The following ARHGAP18 variants were observed in gnomAD, a reference collection of about 807,000 sequenced individuals.
ARHGAP18 encodes Rho GTPase activating protein 18.
Under a neutral mutation model 86.2 loss-of-function variants are expected in ARHGAP18, and 67 were observed. That is an observed-to-expected ratio of 0.78 (90% CI 0.64 to 0.95). The LOEUF (loss-of-function observed/expected upper bound fraction) is 0.95. Among genes scored for constraint, ARHGAP18 ranks in the 40% least tolerant of loss-of-function variants. The pLI is 0.00. For synonymous variants in ARHGAP18, 283 were observed against 280.4 expected (o/e 1.01, Z -0.09); for missense variants, 691 against 780.4 (o/e 0.89, Z 1.37).
At chr6:129,678,375 C>T (rs976529978) in intron 1 of ARHGAP18, among the ~76,000 whole-genome samples, 2 of 152,190 alleles carry the variant, frequency 1.3e-5, no homozygotes, top group Admixed American at 1.3e-4. Context: ...AAAAGCTGTA[C>T]AGGCAAAAAT....
At chr6:129,679,073 A>G (rs1277496632) in intron 1 of ARHGAP18, among the ~76,000 whole-genome samples, 2 of 152,176 alleles carry the variant, frequency 1.3e-5, no homozygotes, top group Non-Finnish European at 2.9e-5. Context: ...CTGAATATCA[A>G]TTGTCTCTAT....
intron 3 of ARHGAP18, among the ~76,000 whole-genome samples, chr6:129,636,461 C>T (rs575116484): frequency 2.6e-5 from 4 of 152,276 alleles, no homozygotes; most frequent in Middle Eastern, 6.8e-3. Flanking sequence ...ATCTCATATT[C>T]AGGATGCTTA....
rs535964199 is a variant in ARHGAP18 at position 129,577,456 on chromosome 6, C to T, written c.*1057G>A. The T allele has an allele frequency of 2.0e-5, 3 of 152,182 alleles. No homozygotes were observed. In the South Asian group the frequency reaches 6.2e-4, roughly 32 times the overall value. The allele number at this position is 152,182 out of a possible 1,614,324, so 9.4% of individuals were successfully genotyped here. A position where few individuals can be genotyped will look rare whatever the true frequency, so the allele number is the denominator to read the frequency against. Reference sequence around the variant, plus strand: ...ATCTCTTGTCACAATATGGTTTGTGCATTAAAATCCCTGGGAATAGTACTT... The same window carrying T: ...ATCTCTTGTCACAATATGGTTTGTGTATTAAAATCCCTGGGAATAGTACTT... On this transcript the variant is annotated 3_prime_UTR_variant, in exon 15 of 15. Transcript: ENST00000368149.
At chr6:129,682,612 C>T (rs1774343552) in intron 1 of ARHGAP18, among the ~76,000 whole-genome samples, 1 of 152,154 alleles carries the variant, frequency 6.6e-6, no homozygotes, top group South Asian at 2.1e-4. Flanking sequence ...AACTAAAACC[C>T]TAGAGACACA....
intron 1 of ARHGAP18, among the ~76,000 whole-genome samples, chr6:129,677,756 C>T (rs1774261429): frequency 6.6e-6 from 1 of 152,180 alleles, no homozygotes; most frequent in South Asian, 2.1e-4. Context: ...CTCTTTCCCA[C>T]ACATCCCCAA....
intron 9 of ARHGAP18, 113 bp downstream of exon 9, chr6:129,607,780 A>G (rs1026362989): frequency 2.5e-6 from 3 of 1,197,672 alleles, no homozygotes; most frequent in South Asian, 2.1e-5. Context: ...AGTTGAGTCA[A>G]TATGTCCACC....
intron 1 of ARHGAP18, among the ~76,000 whole-genome samples, chr6:129,664,276 A>C (rs892955729): frequency 6.6e-6 from 1 of 152,230 alleles, no homozygotes; most frequent in Non-Finnish European, 1.5e-5. Flanking sequence ...GACTGAACTG[A>C]TGACCAGGTA....
intron 7 of ARHGAP18, among the ~76,000 whole-genome samples, chr6:129,614,069 T>TC (rs1037803043): frequency 6.6e-6 from 1 of 152,220 alleles, no homozygotes; most frequent in African/African-American, 2.4e-5. Context: ...TATTTCTATT[T>TC]CCCTCATCCT....
At chr6:129,675,383 C>CAAAA (rs71664105) in intron 1 of ARHGAP18, among the ~76,000 whole-genome samples, 1 of 90,634 alleles carries the variant, frequency 1.1e-5, no homozygotes, top group African/African-American at 3.7e-5. Context: ...GACTCCATCT[C>CAAAA]AAAAAAAAAA....
intron 1 of ARHGAP18, among the ~76,000 whole-genome samples, chr6:129,704,538 A>C (rs1028050706): frequency 6.6e-6 from 1 of 152,160 alleles, no homozygotes; most frequent in Non-Finnish European, 1.5e-5. Flanking sequence ...CTCCCTATCT[A>C]AATTAATGAT....
rs530809452 is a variant in ARHGAP18, at chr6:129,702,094, T to TA, written c.113+7929dup. On this transcript the variant is annotated intron_variant, in intron 1 of 14. Transcript: ENST00000368149. Reference sequence around the variant, plus strand: ...GTGTTCTTTGCAGCCAAAAGGCAACTACCAAATGCATATGAAAAGGAGATG... The same window carrying TA: ...GTGTTCTTTGCAGCCAAAAGGCAACTAACCAAATGCATATGAAAAGGAGATG... 4.6e-5 allele frequency among the ~76,000 whole-genome samples: 7 copies of TA among 152,306 alleles called. No individual in the cohort carries two copies. In the South Asian group the frequency reaches 1.5e-3, roughly 32 times the overall value.
At chr6:129,649,135 C>CTA (rs1283759787) in intron 1 of ARHGAP18, among the ~76,000 whole-genome samples, 2 of 152,180 alleles carry the variant, frequency 1.3e-5, no homozygotes, top group Non-Finnish European at 2.9e-5. Context: ...GACTCAAATG[C>CTA]TATAGTCTTA....
chr6:129,683,641 G>A (rs1774366838), intron 1 of ARHGAP18, among the ~76,000 whole-genome samples: 1 of 152,170 alleles, frequency 6.6e-6, no homozygotes, highest in Non-Finnish European at 1.5e-5. Context: ...AAGCCCTGAT[G>A]AGTCAAAAAT....
chr6:129,631,214 T>G (rs1773196860), intron 4 of ARHGAP18, among the ~76,000 whole-genome samples: 1 of 152,188 alleles, frequency 6.6e-6, no homozygotes, highest in Admixed American at 6.5e-5. Context: ...TTCTAGCAGC[T>G]GAGTAGTTGT....
chr6:129,691,235 C>T (rs1219137215), intron 1 of ARHGAP18, among the ~76,000 whole-genome samples: 1 of 152,194 alleles, frequency 6.6e-6, no homozygotes, highest in Non-Finnish European at 1.5e-5. Flanking sequence ...TAACCTTATG[C>T]CTTGATAAAG....
intron 12 of ARHGAP18, among the ~76,000 whole-genome samples, chr6:129,590,491 G>T (rs184296521): frequency 6.6e-6 from 1 of 152,136 alleles, no homozygotes; most frequent in Non-Finnish European, 1.5e-5. Context: ...ACACAGGCTG[G>T]TTTTTGCCAA....
chr6:129,670,533 G>T (rs1774124015), intron 1 of ARHGAP18, among the ~76,000 whole-genome samples: 1 of 152,152 alleles, frequency 6.6e-6, no homozygotes, highest in African/African-American at 2.4e-5. Context: ...AGGATGGAGG[G>T]TGGTACCCTC....
chr6:129,600,730 T>G lies in ARHGAP18; in HGVS notation c.1484A>C (p.Lys495Thr), dbSNP rs1239558569. Residue 495 changes from lysine (K) to threonine (T), a missense_variant, in exon 11 of 15, where the codon AAG becomes ACG. Coordinates refer to ENST00000368149, the MANE Select transcript of ARHGAP18 (RefSeq NM_033515.3). ...TACAAATTCTCGCTGTTCACTGGACTTCAATCCCAATGCATGACACATAAA... is the reference window on the plus strand; with the variant it reads ...TACAAATTCTCGCTGTTCACTGGACGTCAATCCCAATGCATGACACATAAA... ...NLFMCHALGLKSSEQREFVMA... is the reference protein window; with the variant it reads ...NLFMCHALGLTSSEQREFVMA... 1.2e-6 allele frequency: 2 copies of G among 1,613,796 alleles called. No individual in the cohort carries two copies. Among genetic ancestry groups the G allele is most frequent in the Non-Finnish European group, 1.7e-6 (2 of 1,179,804 alleles).
intron 12 of ARHGAP18, among the ~76,000 whole-genome samples, chr6:129,593,820 A>C (rs1193232417): frequency 2.0e-5 from 3 of 152,188 alleles, no homozygotes; most frequent in Non-Finnish European, 2.9e-5. Context: ...CTACATTTGG[A>C]CCAAACACTC....
Sources: gnomAD v4.1 joint callset for allele counts (sites outside exome capture counted in the v4.1 genomes callset) on GRCh38, gnomAD v4.1.1 for gene constraint, MANE v1.5 for transcripts, NCBI Gene and HGNC (gene_info 2026-07-23, HGNC 2026-07-21) for gene names.